Variants in BBOX1 observed in about 807,000 individuals in gnomAD.
BBOX1 encodes the protein gamma-butyrobetaine dioxygenase.
Under a neutral mutation model 41.6 loss-of-function variants are expected in BBOX1, and 35 were observed. That is an observed-to-expected ratio of 0.84 (90% CI 0.64 to 1.11). The LOEUF (loss-of-function observed/expected upper bound fraction) is 1.11. Among genes scored for constraint, BBOX1 ranks in the 50% most tolerant of loss-of-function variants. The probability of loss-of-function intolerance (pLI) is 0.00; values close to 1 mark genes in which losing one functional copy is unlikely to be tolerated. For missense variants in BBOX1, 458 were observed against 460.6 expected (o/e 0.99, Z 0.05); for synonymous variants, 163 against 154.7 (o/e 1.05, Z -0.40).
At position 27,055,466 on chromosome 11, in the gene BBOX1, C is replaced by T. The variant is rs1463087226; in HGVS notation, c.36C>T (p.Asp12=). Residue 12 remains aspartate (D), a synonymous_variant, in exon 3 of 9, where the codon GAC becomes GAT. Transcript: ENST00000263182. ...CCATCCAAAAGGCAGAAGCACTTGACGGGGCTCATTTGATGCAGATCCTCT... is the reference window on the plus strand; with the variant it reads ...CCATCCAAAAGGCAGAAGCACTTGATGGGGCTCATTTGATGCAGATCCTCT... ...ACTIQKAEAL[D]GAHLMQILWY... The T allele has an allele frequency of 1.2e-5, 19 of 1,613,916 alleles. No homozygotes were observed. The highest frequency in any genetic ancestry group is 1.7e-4 in the Middle Eastern group (1 of 5,978).
At chr11:27,056,774 A>C (rs1226019712) in intron 3 of BBOX1, among the ~76,000 whole-genome samples, 3 of 151,964 alleles carry the variant, frequency 2.0e-5, no homozygotes, top group African/African-American at 7.2e-5. Flanking sequence ...TCTCTGTCTT[A>C]AAAATTAAGC....
intron 2 of BBOX1, 34 bp from the exon 3 acceptor site, chr11:27,055,359 G>T: frequency 6.8e-7 from 1 of 1,480,538 alleles, no homozygotes; most frequent in Non-Finnish European, 9.3e-7. Flanking sequence ...GATCTTATCT[G>T]CCTGAGATTC....
chr11:27,124,846 GT>G (rs1475278144), intron 7 of BBOX1, among the ~76,000 whole-genome samples: 1 of 152,094 alleles, frequency 6.6e-6, no homozygotes, highest in East Asian at 1.9e-4. Context: ...ATTAAATGCT[GT>G]ATTATCTTAC....
At chr11:27,122,575 T>C (rs1859503786) in intron 7 of BBOX1, among the ~76,000 whole-genome samples, 1 of 152,122 alleles carries the variant, frequency 6.6e-6, no homozygotes, top group South Asian at 2.1e-4. Context: ...CTATAATCAG[T>C]TATAAGACAA....
At chr11:27,099,254 C>A (rs1295914962) in intron 5 of BBOX1, among the ~76,000 whole-genome samples, 1 of 151,848 alleles carries the variant, frequency 6.6e-6, no homozygotes, top group Non-Finnish European at 1.5e-5. Flanking sequence ...CCCAGCAGTT[C>A]AGATTTGTTT....
At chr11:27,089,081 A>T (rs1347748178) in intron 4 of BBOX1, among the ~76,000 whole-genome samples, 1 of 152,008 alleles carries the variant, frequency 6.6e-6, no homozygotes, top group East Asian at 1.9e-4. Context: ...AGCACCTGGT[A>T]AGAGGCTGGA....
At chr11:27,053,875 G>A (rs11029807) in intron 2 of BBOX1, among the ~76,000 whole-genome samples, 10,238 of 152,154 alleles carry the variant, frequency 0.067, 407 homozygotes, top group Admixed American at 0.14. Flanking sequence ...AAATAAGCAT[G>A]AGAGCCAATT....
At chr11:27,042,269 G>C (rs1312511644) in intron 2 of BBOX1, among the ~76,000 whole-genome samples, 2 of 152,152 alleles carry the variant, frequency 1.3e-5, no homozygotes, top group African/African-American at 4.8e-5. Context: ...TGAAGTGTTT[G>C]CATGAAATTT....
intron 5 of BBOX1, among the ~76,000 whole-genome samples, chr11:27,112,506 C>A (rs1762986027): frequency 6.6e-6 from 1 of 151,764 alleles, no homozygotes; most frequent in Non-Finnish European, 1.5e-5. Context: ...ATGCCACACA[C>A]CTACAACCCT....
intron 4 of BBOX1, among the ~76,000 whole-genome samples, chr11:27,063,218 C>T (rs1011249785): frequency 3.3e-5 from 5 of 152,146 alleles, no homozygotes; most frequent in African/African-American, 4.8e-5. Context: ...CTCAGCAGTA[C>T]ATGTTTCCAA....
At chr11:27,087,136 T>C (rs1236875631) in intron 4 of BBOX1, among the ~76,000 whole-genome samples, 1 of 152,138 alleles carries the variant, frequency 6.6e-6, no homozygotes, top group East Asian at 1.9e-4. Flanking sequence ...TTTAGAATAC[T>C]ACATAAATGC....
chr11:27,044,089 A>G (rs1319065676), intron 2 of BBOX1, among the ~76,000 whole-genome samples: 1 of 152,110 alleles, frequency 6.6e-6, no homozygotes, highest in Non-Finnish European at 1.5e-5. Flanking sequence ...ATTTCTCCAC[A>G]TCCTCTCTAG....
At chr11:27,122,917 A>G (rs12786889) in intron 7 of BBOX1, among the ~76,000 whole-genome samples, 1 of 151,970 alleles carries the variant, frequency 6.6e-6, no homozygotes, top group Non-Finnish European at 1.5e-5. Flanking sequence ...AGTTACTCCC[A>G]TCTTTTGTGG....
chr11:27,109,352 C>A (rs960323234), intron 5 of BBOX1, among the ~76,000 whole-genome samples: 8 of 152,006 alleles, frequency 5.3e-5, no homozygotes, highest in East Asian at 1.9e-4. Context: ...GTTCTATTTT[C>A]CAAATATATA....
At chr11:27,076,286 G>C (rs1287133342) in intron 4 of BBOX1, among the ~76,000 whole-genome samples, 1 of 152,162 alleles carries the variant, frequency 6.6e-6, no homozygotes, top group East Asian at 1.9e-4. Flanking sequence ...GAGTGACGTA[G>C]ACCCTATAAA....
In BBOX1 at chr11:27,119,681, C is replaced by T. The variant is rs1332859857; in HGVS notation, c.672C>T (p.Val224=). 1 of 1,561,220 alleles carries T rather than the reference C, an allele frequency of 6.4e-7. No individual in the cohort carries two copies. Among genetic ancestry groups the T allele is most frequent in the African/African-American group, 1.4e-5 (1 of 72,432 alleles). ...VQLLHCIKQT[V]TGGDSEIVDG... is the part of the protein sequence containing the mutation. ...TTCTTCACTGCATAAAGCAAACAGT[C>T]ACAGGGGGTGATTCAGAAATTGTAG... The change falls in exon 7 of 9, where the codon GTC becomes GTT. Residue 224 remains valine (V), a synonymous_variant. Transcript: ENST00000263182.
chr11:27,069,127 T>C (rs998942863), intron 4 of BBOX1, among the ~76,000 whole-genome samples: 1 of 152,116 alleles, frequency 6.6e-6, no homozygotes, highest in African/African-American at 2.4e-5. Flanking sequence ...ATAATGTTGA[T>C]ATTTTGATAG....
intron 4 of BBOX1, among the ~76,000 whole-genome samples, chr11:27,057,956 A>G (rs138798593): frequency 1.1e-3 from 175 of 152,282 alleles, no homozygotes; most frequent in African/African-American, 4.0e-3. Flanking sequence ...GCAAAGAAGC[A>G]AAATAAATAC....
intron 5 of BBOX1, among the ~76,000 whole-genome samples, chr11:27,112,178 C>A (rs527482180): frequency 7.2e-5 from 11 of 152,014 alleles, no homozygotes; most frequent in African/African-American, 2.7e-4. Context: ...TTGTAAGGAG[C>A]ACAGCTTGAA....
Sources: allele counts gnomAD v4.1 joint callset (sites outside exome capture counted in the v4.1 genomes callset), GRCh38; gene constraint gnomAD v4.1.1; transcripts MANE v1.5; gene names NCBI Gene and HGNC (gene_info 2026-07-23, HGNC 2026-07-21).